KCND3: variants seen among roughly 807,000 people sequenced by gnomAD.
KCND3 encodes potassium voltage-gated channel subfamily D member 3.
Under a neutral mutation model 51.1 loss-of-function variants are expected in KCND3, and 9 were observed. The observed-to-expected ratio is 0.18, with a 90% CI of 0.11 to 0.31. The LOEUF is 0.31. Ranked by LOEUF, KCND3 falls within the 10% of genes least tolerant of loss-of-function variation. The probability of loss-of-function intolerance (pLI) is 1.00; values close to 1 mark genes in which losing one functional copy is unlikely to be tolerated. For missense variants in KCND3, 526 were observed against 903.8 expected, an observed-to-expected ratio of 0.58 and a Z score of 5.36; for synonymous variants, 349 against 368.0, an observed-to-expected ratio of 0.95 and a Z score of 0.59.
intron 2 of KCND3, among the ~76,000 whole-genome samples, chr1:111,836,945 T>C (rs1002841873): frequency 6.6e-6 from 1 of 152,208 alleles, no homozygotes; most frequent in Non-Finnish European, 1.5e-5. Context: ...TAAGAGTGTC[T>C]TGTACTTTTC....
At chr1:111,801,787 T>G (rs1665325588) in intron 2 of KCND3, among the ~76,000 whole-genome samples, 1 of 152,160 alleles carries the variant, frequency 6.6e-6, no homozygotes, top group Non-Finnish European at 1.5e-5. Flanking sequence ...TCTCTTCCCT[T>G]TTTCACCCAT....
At chr1:111,844,251 A>G (rs1439945544) in intron 2 of KCND3, among the ~76,000 whole-genome samples, 1 of 152,238 alleles carries the variant, frequency 6.6e-6, no homozygotes, top group Non-Finnish European at 1.5e-5. Context: ...ATGTCCCTGC[A>G]GACCTCTCCA....
chr1:111,884,102 C>A (rs1243530845), intron 2 of KCND3, among the ~76,000 whole-genome samples: 1 of 152,162 alleles, frequency 6.6e-6, no homozygotes, highest in Non-Finnish European at 1.5e-5. Context: ...ACCCTAGTAG[C>A]ATCTTGGGTA....
rs532436009 is a variant in KCND3 at position 111,849,623 on chromosome 1, C to T, written c.1107-62517G>A. Among the ~76,000 whole-genome samples the T allele has an allele frequency of 3.9e-5, 6 of 152,340 alleles. No homozygotes were observed. In the East Asian group the frequency reaches 9.6e-4, roughly 24 times the overall value. ...TCCAGGTAGCAGCTCGGCTTCAAGG[C>T]CACTGGTACAACTGTGCAGGTCCTG... On this transcript the variant is annotated intron_variant, in intron 2 of 7. Coordinates refer to ENST00000302127, the MANE Select transcript of KCND3 (RefSeq NM_001378969.1).
At chr1:111,818,510 T>C (rs1341583735) in intron 2 of KCND3, among the ~76,000 whole-genome samples, 4 of 152,180 alleles carry the variant, frequency 2.6e-5, no homozygotes, top group African/African-American at 9.7e-5. Context: ...CTGCGAGCCT[T>C]CTCTGCTTCT....
At chr1:111,827,231 T>G (rs1436125016) in intron 2 of KCND3, among the ~76,000 whole-genome samples, 2 of 152,178 alleles carry the variant, frequency 1.3e-5, no homozygotes, top group African/African-American at 4.8e-5. Flanking sequence ...TGAGAACAGA[T>G]GTGTACGCAG....
At chr1:111,943,786 C>A (rs971854921) in intron 2 of KCND3, among the ~76,000 whole-genome samples, 4 of 152,152 alleles carry the variant, frequency 2.6e-5, no homozygotes, top group African/African-American at 9.7e-5. Context: ...ATGAAGCAGG[C>A]AGGACAGGCA....
intron 2 of KCND3, among the ~76,000 whole-genome samples, chr1:111,881,995 T>C (rs1458109790): frequency 1.3e-5 from 2 of 152,126 alleles, no homozygotes; most frequent in Non-Finnish European, 1.5e-5. Context: ...CGGAACACCA[T>C]GGGACCCTGG....
chr1:111,786,133 A>G (rs959830431), intron 3 of KCND3, among the ~76,000 whole-genome samples: 1 of 152,210 alleles, frequency 6.6e-6, no homozygotes, highest in Non-Finnish European at 1.5e-5. Flanking sequence ...CCCTCTTCTG[A>G]GAGGAAACCT....
chr1:111,970,946 G>C (rs564455491), intron 2 of KCND3, among the ~76,000 whole-genome samples: 1 of 152,308 alleles, frequency 6.6e-6, no homozygotes, highest in African/African-American at 2.4e-5. Flanking sequence ...TCTCCTAGAG[G>C]GGGCAGGTCA....
intron 2 of KCND3, among the ~76,000 whole-genome samples, chr1:111,926,191 T>C (rs552465113): frequency 6.6e-6 from 1 of 152,166 alleles, no homozygotes; most frequent in East Asian, 1.9e-4. Flanking sequence ...GGACATTAGT[T>C]CCCATGGCAT....
At chr1:111,851,312 C>T in intron 2 of KCND3, among the ~76,000 whole-genome samples, 1 of 152,206 alleles carries the variant, frequency 6.6e-6, no homozygotes, top group East Asian at 1.9e-4. Flanking sequence ...TATCATCTAA[C>T]ACATGTGGTA....
At chr1:111,811,402 T>C (rs1165008226) in intron 2 of KCND3, among the ~76,000 whole-genome samples, 1 of 152,196 alleles carries the variant, frequency 6.6e-6, no homozygotes, top group Non-Finnish European at 1.5e-5. Context: ...TGATGTATTT[T>C]TACTGCTTGC....
intron 2 of KCND3, among the ~76,000 whole-genome samples, chr1:111,949,213 G>A (rs572681987): frequency 1.3e-5 from 2 of 152,350 alleles, no homozygotes; most frequent in African/African-American, 4.8e-5. Context: ...AGCAAAGTGA[G>A]CCTGGGCCTT....
intron 2 of KCND3, among the ~76,000 whole-genome samples, chr1:111,940,073 G>GT (rs61088602): frequency 0.094 from 7,998 of 85,082 alleles, 590 homozygotes; most frequent in African/African-American, 0.16. Context: ...CTTTTTGATG[G>GT]TTTTTTTTTT....
rs1664306961 is a variant in KCND3, at chr1:111,780,145, C to G, written c.1461+80G>C. 1.5e-6 allele frequency: 2 copies of G among 1,362,896 alleles called. No individual in the cohort carries two copies. The highest frequency in any genetic ancestry group is 2.0e-6 in the Non-Finnish European group (2 of 976,726). 84.4% of individuals were successfully genotyped at this position (1,362,896 alleles called of 1,614,324 possible). On this transcript the variant is annotated intron_variant, in intron 5 of 7. Transcript: ENST00000302127. This position sits in a 1 kb window ranked among gnomAD's most constrained non-coding sequence, Gnocchi z 4.2. ...AGGGGACAGACTTTGACTTCTGGCC[C>G]AGAGTGAAGATGTGAGTACAGCCTT...
At chr1:111,787,129 G>A (rs1440160030) in intron 2 of KCND3, 23 bp from the exon 3 acceptor site, 2 of 1,613,612 alleles carry the variant, frequency 1.2e-6, no homozygotes, top group South Asian at 2.2e-5. Context: ...GAGAAACAGG[G>A]TGTAAGGGAG....
At chr1:111,822,874 T>C (rs146741598) in intron 2 of KCND3, among the ~76,000 whole-genome samples, 22 of 152,362 alleles carry the variant, frequency 1.4e-4, no homozygotes, top group African/African-American at 5.3e-4. Context: ...CTAGCGTCTT[T>C]TGAGAAGAAC....
chr1:111,899,931 A>G (rs1670302406), intron 2 of KCND3, among the ~76,000 whole-genome samples: 1 of 152,004 alleles, frequency 6.6e-6, no homozygotes, highest in Non-Finnish European at 1.5e-5. Context: ...GCCTCCCAGG[A>G]CTCTCTGCAA....
Sources: allele counts gnomAD v4.1 joint callset (sites outside exome capture counted in the v4.1 genomes callset), GRCh38; gene constraint gnomAD v4.1.1; non-coding constraint Gnocchi (gnomAD v3.1); transcripts MANE v1.5; gene names NCBI Gene and HGNC (gene_info 2026-07-23, HGNC 2026-07-21).